DYRK4: variants seen among roughly 807,000 people sequenced by gnomAD.
DYRK4 encodes the protein dual specificity tyrosine-phosphorylation-regulated kinase 4.
A neutral mutation model predicts 68.3 loss-of-function variants in DYRK4; 64 were observed. The observed-to-expected ratio is 0.94, with a 90% CI of 0.77 to 1.15. The LOEUF is 1.15. Among genes scored for constraint, DYRK4 ranks in the 50% most tolerant of loss-of-function variants. The pLI is 0.00. For synonymous variants in DYRK4, 274 were observed against 289.9 expected, an observed-to-expected ratio of 0.95 and a Z score of 0.56; for missense variants, 740 against 764.7, an observed-to-expected ratio of 0.97 and a Z score of 0.38.
chr12:4,613,731 A>T lies in DYRK4; in HGVS notation c.1883A>T (p.Asn628Ile). 1 of 1,574,560 alleles carries T rather than the reference A, an allele frequency of 6.4e-7. No homozygotes were observed. Among genetic ancestry groups the T allele is most frequent in the Non-Finnish European group, 8.7e-7 (1 of 1,152,546 alleles). ...AAAAACTTCTCCCTCAAGAACACAA[A>T]CGTTTTACCCCCTATTGTATGACCT... Reference protein sequence around the residue: ...QSKNFSLKNTNVLPPIV With the variant: ...QSKNFSLKNTIVLPPIV The change falls in exon 15 of 15, where the codon AAC becomes ATC. Residue 628 changes from asparagine to isoleucine, a missense_variant. This residue lies in a region of DYRK4 where 614 missense variants were observed against 603.7 expected (regional missense o/e 1.02). Coordinates refer to ENST00000543431, the MANE Select transcript of DYRK4 (RefSeq NM_001394779.1). This position sits in a 1 kb window ranked among gnomAD's most constrained non-coding sequence, Gnocchi z 4.0.
chr12:4,599,678 G>T, intron 9 of DYRK4, 29 bp from the exon 10 acceptor site: 1 of 1,582,536 alleles, frequency 6.3e-7, no homozygotes, highest in Non-Finnish European at 8.7e-7. Flanking sequence ...CATTACTGTA[G>T]CTTGACATAT....
Position 4,588,992 on chromosome 12 carries a change from C to G in DYRK4, c.188C>G (p.Ser63Cys), listed in dbSNP as rs1348896104. 2 of 1,535,990 alleles carry G rather than the reference C, an allele frequency of 1.3e-6. No homozygotes were observed. Among genetic ancestry groups the G allele is most frequent in the East Asian group, 4.9e-5 (2 of 40,934 alleles). ...IQKPPSNIKN[S>C]RMTQVFHKNT... ...AAGCCACCTTCCAATATCAAGAACT[C>G]CAGAATGACCCAAGTCTTTCATAAG... Residue 63 changes from serine to cysteine, a missense_variant, in exon 3 of 15, where the codon TCC becomes TGC. Coordinates refer to ENST00000543431, the MANE Select transcript of DYRK4 (RefSeq NM_001394779.1).
chr12:4,588,268 T>A (rs757254540), intron 2 of DYRK4, among the ~76,000 whole-genome samples: 3 of 152,176 alleles, frequency 2.0e-5, no homozygotes, highest in Non-Finnish European at 4.4e-5. Flanking sequence ...TCCTACATAA[T>A]AACAACCACA....
chr12:4,564,955 A>G (rs989479795), intron 1 of DYRK4, among the ~76,000 whole-genome samples: 2 of 152,220 alleles, frequency 1.3e-5, no homozygotes, highest in African/African-American at 4.8e-5. Context: ...TTCTTAGGCA[A>G]ACACACGATT....
At chr12:4,565,950 C>T (rs980755502) in intron 1 of DYRK4, among the ~76,000 whole-genome samples, 4 of 152,194 alleles carry the variant, frequency 2.6e-5, no homozygotes, top group Non-Finnish European at 5.9e-5. Flanking sequence ...TCATAGTCTC[C>T]TACATCTCTG....
chr12:4,602,472 G>T lies in DYRK4; in HGVS notation c.1127-2442G>T, dbSNP rs1423396701. ...TTAGATTTCCCATTCCCTTTACTTC[G>T]ATCTGAGATGGCAGCAGAGCTTGGA... On this transcript the variant is annotated intron_variant, in intron 10 of 14. Transcript: ENST00000543431. 4.6e-6 allele frequency: 6 copies of T among 1,292,926 alleles called. No individual in the cohort carries two copies. The South Asian group carries it at 4.7e-5, about 10-fold the overall frequency. 80.1% of individuals were successfully genotyped at this position (1,292,926 alleles called of 1,614,324 possible).
intron 2 of DYRK4, among the ~76,000 whole-genome samples, chr12:4,588,735 C>G (rs899121608): frequency 6.6e-6 from 1 of 152,182 alleles, no homozygotes; most frequent in African/African-American, 2.4e-5. Flanking sequence ...AGGATGAACA[C>G]TTTGGGAAAG....
intron 2 of DYRK4, 91 bp downstream of exon 2, chr12:4,568,139 C>T (rs1944695144): frequency 1.6e-6 from 2 of 1,217,570 alleles, no homozygotes; most frequent in Non-Finnish European, 2.3e-6. Flanking sequence ...GTGCCCCAAG[C>T]ACCTCTGGGT....
At chr12:4,589,244 G>A (rs1040152843) in intron 3 of DYRK4, among the ~76,000 whole-genome samples, 9 of 152,022 alleles carry the variant, frequency 5.9e-5, no homozygotes, top group Non-Finnish European at 1.2e-4. Context: ...GTATATAGTA[G>A]GTACATATAT....
At chr12:4,593,533 A>T (rs1235466608) in intron 6 of DYRK4, among the ~76,000 whole-genome samples, 4 of 152,214 alleles carry the variant, frequency 2.6e-5, no homozygotes, top group Non-Finnish European at 5.9e-5. Flanking sequence ...ATACAAGCCC[A>T]TACATGGACT....
chr12:4,605,755 T>TTTC (rs59643333), intron 11 of DYRK4, among the ~76,000 whole-genome samples: 5 of 102,300 alleles, frequency 4.9e-5, no homozygotes, highest in Admixed American at 2.1e-4. Context: ...TTTTTTTTTT[T>TTTC]CCAAATTAAT....
chr12:4,599,781 C>T lies in DYRK4; in HGVS notation c.1119C>T (p.His373=), dbSNP rs755905479. 3.7e-6 allele frequency: 6 copies of T among 1,613,782 alleles called. No homozygotes were observed. The South Asian group carries it at 5.5e-5, about 15-fold the overall frequency. Residue 373 remains histidine (H), a synonymous_variant, in exon 10 of 15, where the codon CAC becomes CAT. Transcript: ENST00000543431. ...VIDFGSSCYE[H]QKVYTYIQSR... ...ACTTTGGATCAAGCTGTTATGAACA[C>T]CAGAAAGGTGAGCCCCATGTCAGTC...
intron 13 of DYRK4, among the ~76,000 whole-genome samples, chr12:4,611,387 C>T (rs1945219115): frequency 6.6e-6 from 1 of 152,202 alleles, no homozygotes; most frequent in Non-Finnish European, 1.5e-5. Flanking sequence ...GAACACAGCT[C>T]AGCACCAAGG....
chr12:4,567,834 CT>C, intron 1 of DYRK4, 120 bp from the exon 2 acceptor site: 1 of 803,700 alleles, frequency 1.2e-6, no homozygotes, highest in Non-Finnish European at 2.0e-6. Flanking sequence ...CCTGCTCCTG[CT>C]TTTAGGCCTG....
chr12:4,611,753 A>G (rs747460193), intron 13 of DYRK4, among the ~76,000 whole-genome samples: 1 of 152,236 alleles, frequency 6.6e-6, no homozygotes, highest in Non-Finnish European at 1.5e-5. Context: ...CAACTGCTAA[A>G]ATATCCTTAT....
chr12:4,573,616 A>G (rs1387279384), intron 2 of DYRK4, among the ~76,000 whole-genome samples: 1 of 152,104 alleles, frequency 6.6e-6, no homozygotes, highest in East Asian at 1.9e-4. Flanking sequence ...TCGGAATGCA[A>G]TCCCTGCCCT....
rs750529588 is a variant in DYRK4, at chr12:4,588,945, T to C, written c.141T>C (p.Ser47=). The part of the protein sequence containing the change: ...KQKFTSAKVG[S]KLSVQIQKPP... ...TCTTCCACTTGATCCAGGTTGGAAG[T>C]AAACTTTCGGTTCAGATCCAGAAGC... is the stretch of plus-strand genomic sequence containing the variant. Residue 47 remains serine, a synonymous_variant, in exon 3 of 15, where the codon AGT becomes AGC. Coordinates refer to ENST00000543431, the MANE Select transcript of DYRK4 (RefSeq NM_001394779.1). 48 of 1,535,986 alleles carry C rather than the reference T, an allele frequency of 3.1e-5. No homozygotes were observed. The highest frequency in any genetic ancestry group is 3.9e-5 in the Non-Finnish European group (45 of 1,146,894).
chr12:4,612,554 C>A lies in DYRK4; in HGVS notation c.1502C>A (p.Ser501Tyr). 1 of 1,614,080 alleles carries A rather than the reference C, an allele frequency of 6.2e-7. No homozygotes were observed. The highest frequency in any genetic ancestry group is 1.3e-5 in the African/African-American group (1 of 75,062). The part of the protein sequence containing the change: ...FLRRCLVWEP[S>Y]LRMTPDQALK... ...TTGTTGGGGTGCAGATGGGAACCTT[C>A]TCTTCGCATGACCCCGGACCAGGCC... Residue 501 changes from serine to tyrosine, a missense_variant, in exon 14 of 15, where the codon TCT becomes TAT. This residue lies in a region of DYRK4 where 614 missense variants were observed against 603.7 expected (regional missense o/e 1.02). Transcript: ENST00000543431.
intron 10 of DYRK4, chr12:4,602,667 G>A: frequency 1.4e-6 from 2 of 1,420,536 alleles, no homozygotes; most frequent in Non-Finnish European, 2.0e-6. Flanking sequence ...CCTGCTGAGG[G>A]TCATTTTCTG....
Sources: gnomAD v4.1 joint callset for allele counts (sites outside exome capture counted in the v4.1 genomes callset) on GRCh38, gnomAD v4.1.1 for gene constraint, gnomAD v4.1.1 regional missense constraint, Gnocchi (gnomAD v3.1) non-coding constraint, MANE v1.5 for transcripts, NCBI Gene and HGNC (gene_info 2026-07-23, HGNC 2026-07-21) for gene names.